The following LRP1B variants were observed in gnomAD, a reference collection of about 807,000 sequenced individuals.
LRP1B encodes low-density lipoprotein receptor-related protein 1B.
A neutral mutation model predicts 556.6 loss-of-function variants in LRP1B; 217 were observed. The observed-to-expected ratio is 0.39, with a 90% CI of 0.35 to 0.44. LRP1B has a LOEUF of 0.44. LRP1B is among the 20% of genes least tolerant of loss of function. The probability of loss-of-function intolerance (pLI) is 1.00; values close to 1 mark genes in which losing one functional copy is unlikely to be tolerated. For synonymous variants in LRP1B, 2,047 were observed against 1,865.8 expected (o/e 1.10, Z -2.50); for missense variants, 5,053 against 5,620.8 (o/e 0.90, Z 3.23).
At chr2:141,118,503 C>G (rs970027792) in intron 7 of LRP1B, among the ~76,000 whole-genome samples, 2 of 151,994 alleles carry the variant, frequency 1.3e-5, no homozygotes, top group South Asian at 4.1e-4. Flanking sequence ...TTTTCAAGCT[C>G]TCTATGGACC....
intron 2 of LRP1B, among the ~76,000 whole-genome samples, chr2:141,642,557 T>G (rs2105366503): frequency 6.6e-6 from 1 of 152,258 alleles, no homozygotes; most frequent in Admixed American, 6.5e-5. Flanking sequence ...TATATAGACC[T>G]TCTTAAATCA....
chr2:140,870,968 C>G (rs1693110648), intron 25 of LRP1B, among the ~76,000 whole-genome samples: 2 of 152,002 alleles, frequency 1.3e-5, no homozygotes, highest in African/African-American at 4.8e-5. Context: ...GATTAGAGGA[C>G]AGTTCAAAAC....
chr2:141,913,530 C>G (rs920796832), intron 1 of LRP1B, among the ~76,000 whole-genome samples: 4 of 152,056 alleles, frequency 2.6e-5, no homozygotes, highest in African/African-American at 9.7e-5. Context: ...GAACAGACAA[C>G]AGTTGGTTTT....
At chr2:140,960,916 A>C (rs573172526) in intron 18 of LRP1B, among the ~76,000 whole-genome samples, 1 of 152,068 alleles carries the variant, frequency 6.6e-6, no homozygotes. Flanking sequence ...AATATTTTAA[A>C]TGATCTTACA....
chr2:142,027,501 G>A (rs1054558750), intron 1 of LRP1B, among the ~76,000 whole-genome samples: 28 of 151,834 alleles, frequency 1.8e-4, no homozygotes, highest in African/African-American at 4.8e-4. Context: ...GGGATAAAAC[G>A]TGAATGACAT....
intron 2 of LRP1B, among the ~76,000 whole-genome samples, chr2:141,564,057 T>G (rs1321055274): frequency 1.3e-5 from 2 of 152,096 alleles, no homozygotes; most frequent in Non-Finnish European, 2.9e-5. Context: ...AATTAAAAAC[T>G]ATACTGCAAT....
intron 17 of LRP1B, among the ~76,000 whole-genome samples, chr2:140,986,673 T>A (rs80292602): frequency 6.6e-6 from 1 of 152,172 alleles, no homozygotes; most frequent in Non-Finnish European, 1.5e-5. Context: ...TGTGCTTCCA[T>A]GTGGATCAAC....
At chr2:140,503,958 T>C (rs980117321) in intron 53 of LRP1B, among the ~76,000 whole-genome samples, 1 of 152,136 alleles carries the variant, frequency 6.6e-6, no homozygotes, top group Non-Finnish European at 1.5e-5. Flanking sequence ...AACTAGATAG[T>C]TCTAAAATAG....
At chr2:140,356,226 G>C in intron 75 of LRP1B, 116 bp downstream of exon 75, 1 of 1,070,820 alleles carries the variant, frequency 9.3e-7, no homozygotes, top group Non-Finnish European at 1.4e-6. Context: ...ATGGTATCCC[G>C]TAGATACACA....
At chr2:142,036,001 T>G (rs769430121) in intron 1 of LRP1B, among the ~76,000 whole-genome samples, 1 of 151,688 alleles carries the variant, frequency 6.6e-6, no homozygotes, top group Admixed American at 6.6e-5. Context: ...ATGTAAGAAG[T>G]GCTTTTTACC....
intron 1 of LRP1B, among the ~76,000 whole-genome samples, chr2:141,917,085 T>C (rs972913365): frequency 3.3e-5 from 5 of 152,164 alleles, no homozygotes; most frequent in African/African-American, 1.2e-4. Flanking sequence ...GTATATACAA[T>C]TTATATAACA....
chr2:141,203,954 G>C (rs565610454), intron 6 of LRP1B, among the ~76,000 whole-genome samples: 1 of 152,072 alleles, frequency 6.6e-6, no homozygotes, highest in African/African-American at 2.4e-5. Context: ...CGAAATGAAG[G>C]CAGAAATAAA....
chr2:141,577,712 C>T (rs1288480124), intron 2 of LRP1B, among the ~76,000 whole-genome samples: 2 of 152,094 alleles, frequency 1.3e-5, no homozygotes, highest in African/African-American at 4.8e-5. Flanking sequence ...CATAGGGGCA[C>T]CATTTAATAA....
intron 18 of LRP1B, among the ~76,000 whole-genome samples, chr2:140,976,574 C>A (rs886279470): frequency 6.2e-5 from 8 of 130,030 alleles, no homozygotes; most frequent in Non-Finnish European, 1.1e-4. Context: ...GTGGCGCGAT[C>A]TCGGCTCATT....
chr2:141,597,723 G>C (rs1363923101), intron 2 of LRP1B, among the ~76,000 whole-genome samples: 4 of 151,874 alleles, frequency 2.6e-5, no homozygotes, highest in African/African-American at 9.7e-5. Flanking sequence ...AAATCTCACA[G>C]CCTCTTATTT....
At chr2:140,994,468 AGGAGAAGAGGAGAT>A (rs1697185145) in intron 15 of LRP1B, among the ~76,000 whole-genome samples, 1 of 151,530 alleles carries the variant, frequency 6.6e-6, no homozygotes, top group African/African-American at 2.4e-5. Flanking sequence ...GGTAATGGAG[AGGAGAAGAGGAGAT>A]GTAGGTCAAA....
In LRP1B at chr2:140,442,504, C is replaced by G; in HGVS notation, c.10414G>C (p.Asp3472His). ...CADASDEANCDKKTCGPHEFQ... is the reference protein window; with the variant it reads ...CADASDEANCHKKTCGPHEFQ... ...AAGACCCAGAGTCACAGACACTCACCGCAGTTGGCCTCGTCTGATGCATCT... is the reference window on the plus strand; with the variant it reads ...AAGACCCAGAGTCACAGACACTCACGGCAGTTGGCCTCGTCTGATGCATCT... The change falls in exon 66 of 91, where the codon GAT (aspartate) becomes CAT (histidine). Residue 3472 changes from aspartate to histidine, a missense_variant and splice_region_variant. This residue lies in a region of LRP1B where 262 missense variants were observed against 395.1 expected (regional missense o/e 0.66). Coordinates refer to ENST00000389484, the MANE Select transcript of LRP1B (RefSeq NM_018557.3). 1 of 1,611,312 alleles carries G rather than the reference C, an allele frequency of 6.2e-7. No individual in the cohort carries two copies. The highest frequency in any genetic ancestry group is 8.5e-7 in the Non-Finnish European group (1 of 1,178,814).
At chr2:140,268,350 T>TTC (rs1682302990) in intron 86 of LRP1B, among the ~76,000 whole-genome samples, 2 of 151,944 alleles carry the variant, frequency 1.3e-5, no homozygotes, top group Admixed American at 1.3e-4. Context: ...CTGCAAGACT[T>TTC]TCCTTTACAT....
rs902461291 is a variant in LRP1B at position 140,708,602 on chromosome 2, C to A, written c.6024-6049G>T. On this transcript the variant is annotated intron_variant, in intron 37 of 90. Coordinates refer to ENST00000389484, the MANE Select transcript of LRP1B (RefSeq NM_018557.3). ...TTTCATTTTATATATGTGTTTACAC[C>A]CTGCCTCATTGCCCATCCTCTCACT... 2.0e-5 allele frequency among the ~76,000 whole-genome samples: 3 copies of A among 151,318 alleles called. No individual in the cohort carries two copies. The East Asian group carries it at 5.8e-4, about 29-fold the overall frequency.
Sources: allele counts gnomAD v4.1 joint callset (sites outside exome capture counted in the v4.1 genomes callset), GRCh38; gene constraint gnomAD v4.1.1; regional missense constraint gnomAD v4.1.1; transcripts MANE v1.5; gene names NCBI Gene and HGNC (gene_info 2026-07-23, HGNC 2026-07-21).